Variants in FAAH2 observed in about 807,000 individuals in gnomAD.
FAAH2 encodes fatty acid amide hydrolase 2.
A neutral mutation model predicts 36.9 loss-of-function variants in FAAH2; 60 were observed. The observed-to-expected ratio is 1.63, with a 90% confidence interval of 1.32 to 2.02. The LOEUF is 2.02. FAAH2 is among the 30% of genes most tolerant of loss of function. FAAH2 has a pLI of 0.00. For synonymous variants in FAAH2, 214 were observed against 143.8 expected (o/e 1.49, Z -3.49); for missense variants, 689 against 397.5 (o/e 1.73, Z -6.23).
intron 2 of FAAH2, among the ~76,000 whole-genome samples, chrX:57,296,760 G>C (rs1326925023): frequency 8.9e-6 from 1 of 111,762 alleles, no homozygotes; most frequent in Non-Finnish European, 1.9e-5. Context: ...AGTCCTTAAA[G>C]GACCTGATGG....
intron 10 of FAAH2, among the ~76,000 whole-genome samples, chrX:57,455,770 A>G (rs1301107822): frequency 8.9e-6 from 1 of 112,271 alleles, no homozygotes; most frequent in East Asian, 2.8e-4. Flanking sequence ...CTAAACATAT[A>G]CACACCCAAT....
intron 7 of FAAH2, among the ~76,000 whole-genome samples, chrX:57,384,268 G>T (rs1336035406): frequency 9.4e-6 from 1 of 106,705 alleles, no homozygotes; most frequent in Non-Finnish European, 2.0e-5. Flanking sequence ...GCATGGGCAA[G>T]AACTTCATGT....
intron 3 of FAAH2, among the ~76,000 whole-genome samples, chrX:57,329,119 C>T (rs1238338966): frequency 2.7e-5 from 3 of 112,314 alleles, no homozygotes; most frequent in South Asian, 3.7e-4. Context: ...AGCTGCAGCA[C>T]AGTGCTAGCA....
At chrX:57,296,740 A>G (rs1049486609) in intron 2 of FAAH2, among the ~76,000 whole-genome samples, 16 of 111,811 alleles carry the variant, frequency 1.4e-4, no homozygotes, top group Admixed American at 2.8e-4. Flanking sequence ...TACAATAATC[A>G]AGGCAGAGAA....
the FAAH2 span, among the ~76,000 whole-genome samples, chrX:57,267,878 G>A: frequency 8.9e-6 from 1 of 112,283 alleles, no homozygotes; most frequent in East Asian, 2.8e-4. Context: ...ATCAAAGGTA[G>A]ATAAGCCCAC....
At chrX:57,279,744 C>T in the FAAH2 span, among the ~76,000 whole-genome samples, 1 of 111,594 alleles carries the variant, frequency 9.0e-6, no homozygotes, top group Non-Finnish European at 1.9e-5. Flanking sequence ...ACAAAAAACA[C>T]GTTATTATCT....
intron 3 of FAAH2, 139 bp downstream of exon 3, chrX:57,310,868 TC>T: frequency 1.5e-6 from 1 of 652,679 alleles, no homozygotes; most frequent in Admixed American, 4.2e-5. Flanking sequence ...GAGGAAATAT[TC>T]AGCAAGTTCC....
At position 57,483,913 on chromosome X, in the gene FAAH2, C is replaced by T. The variant is rs182090657; in HGVS notation, c.1424-4844C>T. Reference sequence around the variant, plus strand: ...CTCCCGAGTTCAAGCGATTCTCCTGCCTCAGCCTCCCAAGTAGCTGGGATT... The same window carrying T: ...CTCCCGAGTTCAAGCGATTCTCCTGTCTCAGCCTCCCAAGTAGCTGGGATT... On this transcript the variant is annotated intron_variant, in intron 10 of 10. Transcript: ENST00000374900. Among the ~76,000 whole-genome samples, 647 of 108,173 alleles carry T rather than the reference C, an allele frequency of 6.0e-3. 2 individuals are homozygous for T. Among genetic ancestry groups the T allele is most frequent in the Non-Finnish European group, 8.8e-3 (461 of 52,448 alleles). 93.9% of individuals were successfully genotyped at this position (108,173 alleles called of 115,157 possible).
chrX:57,190,907 C>A, the FAAH2 span, among the ~76,000 whole-genome samples: 13 of 111,602 alleles, frequency 1.2e-4, no homozygotes, highest in East Asian at 3.1e-3. Context: ...ATTTAGGTTG[C>A]TTCCACATTT....
the FAAH2 span, among the ~76,000 whole-genome samples, chrX:57,272,802 T>C: frequency 8.9e-6 from 1 of 112,150 alleles, no homozygotes. Context: ...TACAAAAACA[T>C]ACCAAATTGT....
intron 2 of FAAH2, among the ~76,000 whole-genome samples, chrX:57,295,597 TGGACAGTGGGTGCA>T (rs1057424594): frequency 2.7e-5 from 3 of 111,741 alleles, no homozygotes; most frequent in East Asian, 2.9e-4. Context: ...TGGGGAGTGC[TGGACAGTGGGTGCA>T]GGACAGTGGG....
At chrX:57,211,866 G>A in the FAAH2 span, among the ~76,000 whole-genome samples, 28 of 111,805 alleles carry the variant, frequency 2.5e-4, no homozygotes, top group Non-Finnish European at 2.1e-4. Flanking sequence ...CAGAAGCAAA[G>A]AAAAATGACC....
At chrX:57,324,891 T>A (rs1569260264) in intron 3 of FAAH2, among the ~76,000 whole-genome samples, 2 of 112,028 alleles carry the variant, frequency 1.8e-5, no homozygotes, top group Non-Finnish European at 3.8e-5. Flanking sequence ...ATAGGAGTGG[T>A]GAGAGAGGAC....
intron 7 of FAAH2, among the ~76,000 whole-genome samples, chrX:57,396,915 A>G (rs751073553): frequency 9.0e-6 from 1 of 111,643 alleles, no homozygotes; most frequent in African/African-American, 3.3e-5. Context: ...TGATCTGTCT[A>G]GTATTGTCAG....
the FAAH2 span, among the ~76,000 whole-genome samples, chrX:57,180,777 A>G: frequency 9.0e-6 from 1 of 111,609 alleles, no homozygotes; most frequent in Non-Finnish European, 1.9e-5. Context: ...TCCCCACTGC[A>G]TTCTATGAGG....
At chrX:57,386,882 A>G (rs1343373914) in intron 7 of FAAH2, among the ~76,000 whole-genome samples, 1 of 112,206 alleles carries the variant, frequency 8.9e-6, no homozygotes, top group African/African-American at 3.2e-5. Flanking sequence ...CTATCACAGA[A>G]TAGTTTAGTT....
chrX:57,185,784 C>T, the FAAH2 span, among the ~76,000 whole-genome samples: 1 of 109,866 alleles, frequency 9.1e-6, no homozygotes, highest in Non-Finnish European at 1.9e-5. Context: ...GCTCAACTCC[C>T]ATTTATGAGT....
intron 10 of FAAH2, among the ~76,000 whole-genome samples, chrX:57,480,140 A>T (rs913767519): frequency 1.8e-5 from 2 of 111,246 alleles, no homozygotes; most frequent in South Asian, 3.8e-4. Flanking sequence ...AACCAAAAAG[A>T]GTCCTGGACC....
chrX:57,128,189 G>A, the FAAH2 span, among the ~76,000 whole-genome samples: 1 of 111,230 alleles, frequency 9.0e-6, no homozygotes, highest in African/African-American at 3.3e-5. Context: ...TTTTCTCAAT[G>A]TTGCCATATT....
Sources: allele counts gnomAD v4.1 joint callset (sites outside exome capture counted in the v4.1 genomes callset), GRCh38; gene constraint gnomAD v4.1.1; transcripts MANE v1.5; gene names NCBI Gene and HGNC (gene_info 2026-07-23, HGNC 2026-07-21).